PPM1E: variants seen among roughly 807,000 people sequenced by gnomAD.
PPM1E encodes the protein protein phosphatase, Mg2+/Mn2+ dependent 1E.
PPM1E carries 20 observed loss-of-function variants against 65.9 expected under a neutral mutation model. That is an observed-to-expected ratio of 0.30 (90% CI 0.21 to 0.44). PPM1E has a LOEUF of 0.44. PPM1E is among the 20% of genes least tolerant of loss of function. The pLI is 1.00. For synonymous variants in PPM1E, 352 were observed against 374.9 expected (o/e 0.94, Z 0.70); for missense variants, 713 against 953.1 (o/e 0.75, Z 3.32).
chr17:58,933,350 T>G (rs564705612), intron 1 of PPM1E, among the ~76,000 whole-genome samples: 41 of 152,302 alleles, frequency 2.7e-4, no homozygotes, highest in African/African-American at 9.6e-4. Flanking sequence ...GAACAATTAC[T>G]AAAACTTCAT....
intron 1 of PPM1E, among the ~76,000 whole-genome samples, chr17:58,953,140 G>A (rs2052263413): frequency 6.6e-6 from 1 of 152,194 alleles, no homozygotes; most frequent in Middle Eastern, 3.2e-3. Context: ...GAAACCAGGA[G>A]GCACATAGAG....
chr17:58,831,323 G>A (rs569680421), intron 1 of PPM1E, among the ~76,000 whole-genome samples: 1 of 152,240 alleles, frequency 6.6e-6, no homozygotes, highest in East Asian at 1.9e-4. Context: ...TTATCTTAAA[G>A]CTTTTAGACT....
rs78738971 is a variant in PPM1E at position 58,912,910 on chromosome 17, G to A, written c.465-42739G>A. Among the ~76,000 whole-genome samples, 274 of 152,290 alleles carry A rather than the reference G, an allele frequency of 1.8e-3. 3 individuals carry two copies. In the East Asian group the frequency reaches 0.02, roughly 11 times the overall value. On this transcript the variant is annotated intron_variant, in intron 1 of 6. Coordinates refer to ENST00000308249, the MANE Select transcript of PPM1E (RefSeq NM_014906.5). ...ACCCAGAAAGGACTGGGTTCAAAGAGCTTCTTGTGCTGAGGAGGGTAGCAC... is the reference window on the plus strand; with the variant it reads ...ACCCAGAAAGGACTGGGTTCAAAGAACTTCTTGTGCTGAGGAGGGTAGCAC...
intron 1 of PPM1E, among the ~76,000 whole-genome samples, chr17:58,833,014 C>T (rs180744480): frequency 2.1e-4 from 32 of 151,910 alleles, no homozygotes; most frequent in Admixed American, 5.9e-4. Flanking sequence ...TTAGTAGAGA[C>T]GGGGTTTCAC....
chr17:58,805,994 A>AAC (rs2050309599), intron 1 of PPM1E, among the ~76,000 whole-genome samples: 1 of 118,290 alleles, frequency 8.5e-6, no homozygotes, highest in Non-Finnish European at 1.7e-5. Context: ...ACAAAACAAA[A>AAC]CAAAACAAAA....
intron 3 of PPM1E, among the ~76,000 whole-genome samples, chr17:58,968,416 C>T (rs1488718041): frequency 3.3e-5 from 5 of 152,158 alleles, no homozygotes; most frequent in Admixed American, 6.5e-5. Flanking sequence ...CAAAGTGAGA[C>T]GCTGACTCCA....
chr17:58,941,925 A>G (rs1367233872), intron 1 of PPM1E, among the ~76,000 whole-genome samples: 2 of 151,464 alleles, frequency 1.3e-5, no homozygotes, highest in South Asian at 2.1e-4. Flanking sequence ...GAATCGCTTG[A>G]ACCTGGGAGG....
chr17:58,878,536 G>A (rs1035938916), intron 1 of PPM1E, among the ~76,000 whole-genome samples: 30 of 150,010 alleles, frequency 2.0e-4, no homozygotes, highest in Admixed American at 2.0e-4. Context: ...GAGCCACCAC[G>A]CCTAGCCAGA....
chr17:58,939,388 A>C (rs2052032806), intron 1 of PPM1E, among the ~76,000 whole-genome samples: 1 of 152,184 alleles, frequency 6.6e-6, no homozygotes, highest in African/African-American at 2.4e-5. Context: ...CATGACTATA[A>C]GTTTTGTGGG....
At chr17:58,868,278 T>C (rs1442659459) in intron 1 of PPM1E, among the ~76,000 whole-genome samples, 1 of 152,120 alleles carries the variant, frequency 6.6e-6, no homozygotes, top group Non-Finnish European at 1.5e-5. Context: ...AAGATTGCAC[T>C]ACTGCAATTC....
chr17:58,792,556 G>C (rs966454777), intron 1 of PPM1E, among the ~76,000 whole-genome samples: 3 of 150,706 alleles, frequency 2.0e-5, no homozygotes, highest in Non-Finnish European at 2.9e-5. Flanking sequence ...TGCCCAGGCT[G>C]GTCTTGAACT....
chr17:58,872,026 G>C (rs774462283), intron 1 of PPM1E, among the ~76,000 whole-genome samples: 3 of 151,962 alleles, frequency 2.0e-5, no homozygotes, highest in Non-Finnish European at 4.4e-5. Flanking sequence ...GGCTGGGCGT[G>C]GTGGCTCACG....
chr17:58,889,592 C>T (rs1385771399), intron 1 of PPM1E, among the ~76,000 whole-genome samples: 3 of 151,862 alleles, frequency 2.0e-5, no homozygotes, highest in South Asian at 2.1e-4. Context: ...ATCGAGACTC[C>T]GTCTCAAGAA....
chr17:58,886,167 G>C (rs1318981869), intron 1 of PPM1E, among the ~76,000 whole-genome samples: 4 of 152,122 alleles, frequency 2.6e-5, no homozygotes, highest in Non-Finnish European at 5.9e-5. Flanking sequence ...GATTGTCCTT[G>C]AGGATTTAAA....
At chr17:58,797,059 G>T (rs1395329352) in intron 1 of PPM1E, among the ~76,000 whole-genome samples, 3 of 152,110 alleles carry the variant, frequency 2.0e-5, no homozygotes, top group Admixed American at 6.6e-5. Context: ...AGTGAGCTGA[G>T]ATCACGCCAC....
intron 1 of PPM1E, among the ~76,000 whole-genome samples, chr17:58,809,537 C>G (rs1227423096): frequency 2.6e-5 from 4 of 152,156 alleles, no homozygotes; most frequent in Non-Finnish European, 4.4e-5. Flanking sequence ...ACATGCTCCA[C>G]AAGGCTGGGC....
At position 58,804,772 on chromosome 17, in the gene PPM1E, TTTAC is replaced by T. The variant is rs200496569; in HGVS notation, c.464+48315_464+48318del. 3.0e-3 allele frequency among the ~76,000 whole-genome samples: 451 copies of T among 152,268 alleles called. 3 individuals carry two copies. Among genetic ancestry groups the T allele is most frequent in the Admixed American group, 7.9e-3 (121 of 15,296 alleles). ...ATTTTATTTTATTGATATATAACAT[TTTAC>T]TTATTTAATGGGGTACATGTCATAT... On this transcript the variant is annotated intron_variant, in intron 1 of 6. Transcript: ENST00000308249.
intron 1 of PPM1E, among the ~76,000 whole-genome samples, chr17:58,808,483 TATC>T (rs1421664660): frequency 3.3e-5 from 5 of 152,194 alleles, no homozygotes; most frequent in South Asian, 2.1e-4. Context: ...TTTATAAACT[TATC>T]ATAGTCTTTT....
rs558123637 is a variant in PPM1E at position 58,843,942 on chromosome 17, T to C, written c.464+87481T>C. ...CCTAAGCATACAATGTAAACAAATA[T>C]CTGACCTTCAAAGGAGGGTGCAGAG... On this transcript the variant is annotated intron_variant, in intron 1 of 6. Coordinates refer to ENST00000308249, the MANE Select transcript of PPM1E (RefSeq NM_014906.5). Among the ~76,000 whole-genome samples the C allele has an allele frequency of 3.4e-4, 52 of 152,298 alleles. 1 individual carries two copies. Among genetic ancestry groups the C allele is most frequent in the South Asian group, 2.1e-3 (10 of 4,824 alleles).
Sources: allele counts gnomAD v4.1 joint callset (sites outside exome capture counted in the v4.1 genomes callset), GRCh38; gene constraint gnomAD v4.1.1; transcripts MANE v1.5; gene names NCBI Gene and HGNC (gene_info 2026-07-23, HGNC 2026-07-21).